SPPL3: variants seen among roughly 807,000 people sequenced by gnomAD.
The protein encoded by SPPL3 is signal peptide peptidase-like 3.
In SPPL3, 5 loss-of-function variants were observed where a neutral mutation model predicts 42.4. The ratio of observed to expected loss-of-function variants is 0.12; its 90% CI spans 0.06 to 0.25. The LOEUF (loss-of-function observed/expected upper bound fraction) is 0.25. Ranked by LOEUF, SPPL3 falls within the 10% of genes least tolerant of loss-of-function variation. The probability of loss-of-function intolerance (pLI) is 1.00; values close to 1 mark genes in which losing one functional copy is unlikely to be tolerated. For synonymous variants in SPPL3, 195 were observed against 181.8 expected (o/e 1.07, Z -0.58); for missense variants, 235 against 489.0 (o/e 0.48, Z 4.90).
At chr12:120,873,631 T>C (rs532557098) in intron 1 of SPPL3, among the ~76,000 whole-genome samples, 3 of 152,154 alleles carry the variant, frequency 2.0e-5, no homozygotes, top group South Asian at 2.1e-4. Flanking sequence ...TCCCAGCACT[T>C]TGGGAGGCTG....
intron 1 of SPPL3, among the ~76,000 whole-genome samples, chr12:120,826,592 A>G (rs965684334): frequency 1.4e-4 from 22 of 152,176 alleles, no homozygotes; most frequent in Non-Finnish European, 2.6e-4. Context: ...CTAGTAAGTG[A>G]TAAGAGTCTC....
chr12:120,826,694 C>T (rs948937735), intron 1 of SPPL3, among the ~76,000 whole-genome samples: 1 of 152,032 alleles, frequency 6.6e-6, no homozygotes, highest in Non-Finnish European at 1.5e-5. Flanking sequence ...GAAGTATATA[C>T]AAAGGATCAA....
intron 1 of SPPL3, among the ~76,000 whole-genome samples, chr12:120,898,298 T>TG (rs1873871728): frequency 8.0e-5 from 6 of 75,394 alleles, no homozygotes; most frequent in South Asian, 1.0e-3. Flanking sequence ...AAGACTCTGT[T>TG]TTTTTTTTTT....
chr12:120,782,599 GTATC>G, intron 6 of SPPL3, 52 bp downstream of exon 6: 1 of 1,303,828 alleles, frequency 7.7e-7, no homozygotes, highest in Admixed American at 2.0e-5. Context: ...ATATCCTAAA[GTATC>G]TATAAAACTC....
chr12:120,890,899 C>A (rs1215632401), intron 1 of SPPL3, among the ~76,000 whole-genome samples: 1 of 152,170 alleles, frequency 6.6e-6, no homozygotes, highest in Non-Finnish European at 1.5e-5. Flanking sequence ...CTCTCAACAG[C>A]TAACAGGACA....
chr12:120,784,427 A>C (rs1330379825), intron 4 of SPPL3, 47 bp downstream of exon 4: 8 of 1,505,424 alleles, frequency 5.3e-6, no homozygotes, highest in Non-Finnish European at 7.1e-6. Context: ...AAGGTGAAAA[A>C]TTTTCCTTTT....
At chr12:120,811,799 C>T (rs1870690420) in intron 1 of SPPL3, among the ~76,000 whole-genome samples, 1 of 152,128 alleles carries the variant, frequency 6.6e-6, no homozygotes, top group Non-Finnish European at 1.5e-5. Flanking sequence ...GCCTTGGTCT[C>T]TGCCTAAATG....
chr12:120,903,732 G>GC (rs71076684), intron 1 of SPPL3, 113 bp downstream of exon 1: 75,991 of 381,950 alleles, frequency 0.2, 8,054 homozygotes, highest in Non-Finnish European at 0.21. Flanking sequence ...CCCAACCCGC[G>GC]CCCCCCCCCC....
At chr12:120,892,689 C>T (rs1472485601) in intron 1 of SPPL3, among the ~76,000 whole-genome samples, 1 of 152,106 alleles carries the variant, frequency 6.6e-6, no homozygotes, top group Non-Finnish European at 1.5e-5. Flanking sequence ...TACGATACAA[C>T]CCAAAATTAG....
intron 1 of SPPL3, among the ~76,000 whole-genome samples, chr12:120,900,161 C>T (rs1873929779): frequency 1.3e-5 from 2 of 152,134 alleles, no homozygotes; most frequent in African/African-American, 4.8e-5. Context: ...CAATAATTTA[C>T]ATCTTATTAT....
At chr12:120,874,768 AGTGT>A (rs373717363) in intron 1 of SPPL3, among the ~76,000 whole-genome samples, 4 of 150,856 alleles carry the variant, frequency 2.7e-5, no homozygotes, top group African/African-American at 9.7e-5. Context: ...TGTGAGTGTG[AGTGT>A]GTGTGTGTGT....
At chr12:120,768,520 G>A (rs371569644) in intron 7 of SPPL3, 32 bp from the exon 8 acceptor site, 1 of 1,587,198 alleles carries the variant, frequency 6.3e-7, no homozygotes, top group Non-Finnish European at 8.6e-7. Flanking sequence ...TTTAACAGAG[G>A]GAGTTGGAAG....
At chr12:120,776,307 A>G (rs1869318761) in intron 6 of SPPL3, among the ~76,000 whole-genome samples, 1 of 152,206 alleles carries the variant, frequency 6.6e-6, no homozygotes, top group South Asian at 2.1e-4. Flanking sequence ...ATGGAAATGT[A>G]CTTCTGATAG....
At chr12:120,799,623 T>G (rs536096892) in intron 2 of SPPL3, among the ~76,000 whole-genome samples, 1 of 152,302 alleles carries the variant, frequency 6.6e-6, no homozygotes, top group African/African-American at 2.4e-5. Flanking sequence ...CTTCTAGTTC[T>G]CTGTGTAATT....
intron 1 of SPPL3, among the ~76,000 whole-genome samples, chr12:120,859,714 C>T (rs949131228): frequency 5.3e-5 from 8 of 152,064 alleles, no homozygotes; most frequent in South Asian, 2.1e-4. Flanking sequence ...GAGGTCGAGG[C>T]GGGTGGATCA....
intron 1 of SPPL3, among the ~76,000 whole-genome samples, chr12:120,822,972 C>T (rs929844601): frequency 6.6e-6 from 1 of 151,772 alleles, no homozygotes; most frequent in South Asian, 2.1e-4. Flanking sequence ...CAAGAATTGC[C>T]TAACAGGGAG....
chr12:120,864,858 G>A (rs1872713693), intron 1 of SPPL3, among the ~76,000 whole-genome samples: 1 of 151,948 alleles, frequency 6.6e-6, no homozygotes. Context: ...GTTAACCAAA[G>A]GAGTATTTTT....
intron 1 of SPPL3, among the ~76,000 whole-genome samples, chr12:120,824,016 G>T (rs1032064368): frequency 6.6e-6 from 1 of 151,762 alleles, no homozygotes; most frequent in African/African-American, 2.4e-5. Flanking sequence ...GACTACAGGC[G>T]CCCGCCACCA....
At chr12:120,897,811 T>C (rs1247161481) in intron 1 of SPPL3, among the ~76,000 whole-genome samples, 2 of 152,166 alleles carry the variant, frequency 1.3e-5, no homozygotes, top group Non-Finnish European at 2.9e-5. Context: ...AAAACTTCCA[T>C]CAGCTACAAT....
Sources: gnomAD v4.1 joint callset for allele counts (sites outside exome capture counted in the v4.1 genomes callset) on GRCh38, gnomAD v4.1.1 for gene constraint, MANE v1.5 for transcripts, NCBI Gene and HGNC (gene_info 2026-07-23, HGNC 2026-07-21) for gene names.